PRKG1: variants seen among roughly 807,000 people sequenced by gnomAD.
The protein encoded by PRKG1 is protein kinase cGMP-dependent 1, also known as cGMP-dependent protein kinase 1.
In PRKG1, 35 loss-of-function variants were observed where a neutral mutation model predicts 88.1. The ratio of observed to expected loss-of-function variants is 0.40; its 90% CI spans 0.30 to 0.53. The LOEUF (loss-of-function observed/expected upper bound fraction) is 0.53, where lower values mean the gene tolerates loss of function less well. Among genes scored for constraint, PRKG1 ranks in the 20% least tolerant of loss-of-function variants. The pLI is 0.59. For missense variants in PRKG1, 540 were observed against 839.8 expected (o/e 0.64, Z 4.41); for synonymous variants, 303 against 292.5 (o/e 1.04, Z -0.37).
At chr10:51,284,319 G>T (rs1840378250) in intron 2 of PRKG1, among the ~76,000 whole-genome samples, 1 of 152,160 alleles carries the variant, frequency 6.6e-6, no homozygotes, top group African/African-American at 2.4e-5. Flanking sequence ...CAGCCACATT[G>T]TAAAGACATT....
chr10:51,160,671 A>G (rs1048407276), intron 2 of PRKG1, among the ~76,000 whole-genome samples: 1 of 152,144 alleles, frequency 6.6e-6, no homozygotes, highest in African/African-American at 2.4e-5. Flanking sequence ...TCATCTCCCT[A>G]GGTATGAATG....
At chr10:51,280,982 A>G (rs1260748132) in intron 2 of PRKG1, among the ~76,000 whole-genome samples, 1 of 151,910 alleles carries the variant, frequency 6.6e-6, no homozygotes, top group Non-Finnish European at 1.5e-5. Flanking sequence ...TTTTTCCCCC[A>G]TCTTTGTTGT....
intron 2 of PRKG1, among the ~76,000 whole-genome samples, chr10:51,454,501 C>T (rs1839525200): frequency 6.6e-6 from 1 of 152,146 alleles, no homozygotes; most frequent in Non-Finnish European, 1.5e-5. Context: ...GGCAAAAGGA[C>T]ACTTGTATTA....
chr10:51,498,676 G>A (rs1840934385), intron 3 of PRKG1, among the ~76,000 whole-genome samples: 1 of 152,108 alleles, frequency 6.6e-6, no homozygotes, highest in South Asian at 2.1e-4. Context: ...ACATACATAA[G>A]TGAAGCAAGT....
intron 2 of PRKG1, among the ~76,000 whole-genome samples, chr10:51,381,343 T>TAAATG (rs1394687640): frequency 3.5e-4 from 47 of 133,248 alleles, no homozygotes; most frequent in African/African-American, 1.3e-3. Flanking sequence ...GGAAATGATG[T>TAAATG]AAATGAGTGA....
chr10:51,414,856 T>A (rs1838195683), intron 2 of PRKG1, among the ~76,000 whole-genome samples: 1 of 152,252 alleles, frequency 6.6e-6, no homozygotes, highest in Non-Finnish European at 1.5e-5. Flanking sequence ...AAAATTTTAA[T>A]TGCTTGAGCT....
At chr10:51,623,472 G>C (rs1839260324) in intron 3 of PRKG1, among the ~76,000 whole-genome samples, 1 of 152,214 alleles carries the variant, frequency 6.6e-6, no homozygotes, top group African/African-American at 2.4e-5. Flanking sequence ...AAAGTGCTGG[G>C]ATTACAGATA....
chr10:51,557,299 A>T (rs4935264), intron 3 of PRKG1, among the ~76,000 whole-genome samples: 63,667 of 151,464 alleles, frequency 0.42, 14,372 homozygotes, highest in East Asian at 0.89. Context: ...TCCTTATAAT[A>T]TGGACACTGA....
At chr10:51,749,096 C>A (rs1463334362) in intron 3 of PRKG1, among the ~76,000 whole-genome samples, 1 of 152,164 alleles carries the variant, frequency 6.6e-6, no homozygotes, top group African/African-American at 2.4e-5. Flanking sequence ...ATGAGACAAT[C>A]TTTGAAATTA....
intron 1 of PRKG1, among the ~76,000 whole-genome samples, chr10:51,060,669 C>G (rs909796287): frequency 6.6e-6 from 1 of 151,624 alleles, no homozygotes; most frequent in Non-Finnish European, 1.5e-5. Context: ...ATACATTTAC[C>G]CTCATATTTG....
At chr10:51,415,803 C>A (rs1169754997) in intron 2 of PRKG1, among the ~76,000 whole-genome samples, 2 of 152,036 alleles carry the variant, frequency 1.3e-5, no homozygotes, top group Non-Finnish European at 2.9e-5. Context: ...TTTTCGAGAC[C>A]TCATGATCCA....
intron 1 of PRKG1, among the ~76,000 whole-genome samples, chr10:50,999,708 G>A (rs1290670154): frequency 1.3e-5 from 2 of 152,182 alleles, no homozygotes; most frequent in African/African-American, 4.8e-5. Context: ...AAGCCTTTGG[G>A]TAAATGTTAA....
At chr10:52,116,011 T>C (rs1009075276) in intron 7 of PRKG1, among the ~76,000 whole-genome samples, 7 of 152,060 alleles carry the variant, frequency 4.6e-5, no homozygotes, top group Non-Finnish European at 7.4e-5. Flanking sequence ...ACAGGAAGTA[T>C]TTATAGACAG....
chr10:52,045,606 G>T (rs976167828), intron 5 of PRKG1, among the ~76,000 whole-genome samples: 1 of 152,044 alleles, frequency 6.6e-6, no homozygotes, highest in Admixed American at 6.6e-5. Flanking sequence ...AGCTGTTTGT[G>T]TCTTAAATAA....
chr10:51,471,189 A>G (rs1210954602), intron 3 of PRKG1, among the ~76,000 whole-genome samples: 2 of 151,974 alleles, frequency 1.3e-5, no homozygotes, highest in African/African-American at 4.8e-5. Context: ...TTCTTTATTA[A>G]CTGTGATCTG....
At chr10:52,090,759 A>G (rs1589598527) in intron 7 of PRKG1, among the ~76,000 whole-genome samples, 1 of 152,332 alleles carries the variant, frequency 6.6e-6, no homozygotes, top group East Asian at 1.9e-4. Flanking sequence ...TTTTCCACTA[A>G]CTTTTATGGC....
At chr10:51,392,754 CG>C (rs1427853606) in intron 2 of PRKG1, among the ~76,000 whole-genome samples, 1 of 135,214 alleles carries the variant, frequency 7.4e-6, no homozygotes, top group East Asian at 2.2e-4. Context: ...GCTGGCCGGG[CG>C]GGGGGCTGAC....
intron 7 of PRKG1, among the ~76,000 whole-genome samples, chr10:52,115,701 T>A (rs1016496837): frequency 9.9e-5 from 15 of 152,158 alleles, no homozygotes; most frequent in African/African-American, 3.6e-4. Flanking sequence ...CGCTGCATTA[T>A]AATTGTCAAA....
intron 2 of PRKG1, among the ~76,000 whole-genome samples, chr10:51,308,405 A>G (rs1841094359): frequency 6.6e-6 from 1 of 152,126 alleles, no homozygotes; most frequent in Non-Finnish European, 1.5e-5. Flanking sequence ...GATACTAACT[A>G]CATTGCAGGG....
Sources: gnomAD v4.1 joint callset for allele counts (sites outside exome capture counted in the v4.1 genomes callset) on GRCh38, gnomAD v4.1.1 for gene constraint, MANE v1.5 for transcripts, NCBI Gene and HGNC (gene_info 2026-07-23, HGNC 2026-07-21) for gene names.